Variants in CDH4 observed in about 807,000 individuals in gnomAD.
The protein encoded by CDH4 is cadherin 4.
Under a neutral mutation model 86.0 loss-of-function variants are expected in CDH4, and 33 were observed. That is an observed-to-expected ratio of 0.38 (90% CI 0.29 to 0.51). CDH4 has a LOEUF of 0.51. Ranked by LOEUF, CDH4 falls within the 20% of genes least tolerant of loss-of-function variation. The pLI is 0.86. For missense variants in CDH4, 1,114 were observed against 1,307.4 expected (o/e 0.85, Z 2.28); for synonymous variants, 555 against 549.4 (o/e 1.01, Z -0.14).
intron 2 of CDH4, among the ~76,000 whole-genome samples, chr20:61,376,048 T>TTGG (rs199819901): frequency 0.18 from 22,980 of 124,410 alleles, 2,459 homozygotes; most frequent in African/African-American, 0.24. Flanking sequence ...TGTGATGGTC[T>TTGG]TGGTGGTGAT....
intron 4 of CDH4, among the ~76,000 whole-genome samples, chr20:61,825,960 C>T (rs185022745): frequency 5.9e-5 from 9 of 152,286 alleles, no homozygotes; most frequent in African/African-American, 1.4e-4. Flanking sequence ...CTGTACCTTC[C>T]GAACAGATCT....
intron 2 of CDH4, among the ~76,000 whole-genome samples, chr20:61,546,039 G>A (rs2086080065): frequency 7.1e-6 from 1 of 141,546 alleles, no homozygotes; most frequent in Non-Finnish European, 1.5e-5. Flanking sequence ...GTGTTCGTGT[G>A]TGTGTGGAGG....
At chr20:61,743,315 A>G (rs2088366647) in intron 2 of CDH4, among the ~76,000 whole-genome samples, 1 of 152,234 alleles carries the variant, frequency 6.6e-6, no homozygotes, top group African/African-American at 2.4e-5. Context: ...AAGGGAGTGC[A>G]GCTGTGTTGT....
intron 2 of CDH4, among the ~76,000 whole-genome samples, chr20:61,691,563 G>T (rs2087655446): frequency 6.6e-6 from 1 of 152,192 alleles, no homozygotes; most frequent in Admixed American, 6.5e-5. Flanking sequence ...AAATGCGTCA[G>T]CAGCTGATTT....
At chr20:61,410,813 C>T (rs2085114879) in intron 2 of CDH4, among the ~76,000 whole-genome samples, 1 of 152,218 alleles carries the variant, frequency 6.6e-6, no homozygotes, top group Non-Finnish European at 1.5e-5. Flanking sequence ...TTCCATCCAT[C>T]TTCCATTCCT....
At chr20:61,688,915 C>T (rs1181759679) in intron 2 of CDH4, among the ~76,000 whole-genome samples, 1 of 152,268 alleles carries the variant, frequency 6.6e-6, no homozygotes, top group East Asian at 1.9e-4. Flanking sequence ...GGTCCTCCTT[C>T]AAGATCTTCT....
At chr20:61,477,147 G>A (rs2085541925) in intron 2 of CDH4, among the ~76,000 whole-genome samples, 2 of 152,192 alleles carry the variant, frequency 1.3e-5, no homozygotes, top group South Asian at 2.1e-4. Flanking sequence ...GCCTCCCCAC[G>A]CCTCTGCCTG....
At chr20:61,460,781 G>T (rs374617359) in intron 2 of CDH4, among the ~76,000 whole-genome samples, 89 of 152,344 alleles carry the variant, frequency 5.8e-4, no homozygotes, top group African/African-American at 1.9e-3. Context: ...CAGGGTGGCA[G>T]CAGGCCTCTC....
chr20:61,395,549 G>A (rs1178982139), intron 2 of CDH4, among the ~76,000 whole-genome samples: 1 of 152,136 alleles, frequency 6.6e-6, no homozygotes, highest in Non-Finnish European at 1.5e-5. Flanking sequence ...GGAGGGTAAG[G>A]CAGGAGGATC....
chr20:61,786,468 G>A (rs1028988442), intron 4 of CDH4, among the ~76,000 whole-genome samples: 5 of 152,142 alleles, frequency 3.3e-5, no homozygotes, highest in Admixed American at 3.3e-4. Context: ...ACTGCCCTGG[G>A]TTGTGTGGTT....
intron 4 of CDH4, 56 bp downstream of exon 4, chr20:61,773,238 T>G: frequency 6.9e-7 from 1 of 1,439,076 alleles, no homozygotes; most frequent in Non-Finnish European, 9.2e-7. Context: ...AGTAGGCTCT[T>G]CTCCCGACAT....
At chr20:61,927,340 G>GCT (rs3079266) in intron 11 of CDH4, among the ~76,000 whole-genome samples, 83,929 of 151,784 alleles carry the variant, frequency 0.55, 24,297 homozygotes, top group East Asian at 0.85. Flanking sequence ...CAAGGACTGA[G>GCT]CATGTGAAGA....
At chr20:61,535,796 G>T (rs1304870479) in intron 2 of CDH4, among the ~76,000 whole-genome samples, 2 of 152,102 alleles carry the variant, frequency 1.3e-5, no homozygotes. Flanking sequence ...GAGCCGCCAT[G>T]GGGAGAGTGT....
At chr20:61,483,838 G>A (rs1375481519) in intron 2 of CDH4, among the ~76,000 whole-genome samples, 1 of 152,176 alleles carries the variant, frequency 6.6e-6, no homozygotes, top group Admixed American at 6.5e-5. Flanking sequence ...CTGACCCACA[G>A]ATTTATGAAT....
chr20:61,695,895 C>G (rs1354633683), intron 2 of CDH4, among the ~76,000 whole-genome samples: 1 of 152,200 alleles, frequency 6.6e-6, no homozygotes, highest in Non-Finnish European at 1.5e-5. Context: ...AAGGATGCAG[C>G]TCCTCCTGTG....
intron 2 of CDH4, among the ~76,000 whole-genome samples, chr20:61,498,809 T>C (rs776286844): frequency 2.0e-5 from 3 of 152,100 alleles, no homozygotes; most frequent in Non-Finnish European, 4.4e-5. Flanking sequence ...TACAAATTTG[T>C]GTTGGGTCAC....
At chr20:61,298,816 T>C (rs1184215211) in intron 2 of CDH4, among the ~76,000 whole-genome samples, 1 of 151,214 alleles carries the variant, frequency 6.6e-6, no homozygotes, top group South Asian at 2.1e-4. Flanking sequence ...TGAGAGTCTT[T>C]TTTTTTTTCA....
intron 2 of CDH4, among the ~76,000 whole-genome samples, chr20:61,739,413 C>T (rs1452981895): frequency 6.6e-6 from 1 of 152,234 alleles, no homozygotes; most frequent in African/African-American, 2.4e-5. Flanking sequence ...AGCACACTCA[C>T]CAGTCCTGGG....
At chr20:61,616,474 G>C (rs2086726097) in intron 2 of CDH4, among the ~76,000 whole-genome samples, 1 of 152,164 alleles carries the variant, frequency 6.6e-6, no homozygotes. Flanking sequence ...GTGGGAGTTG[G>C]GGAAGGCCCT....
Sources: gnomAD v4.1 joint callset for allele counts (sites outside exome capture counted in the v4.1 genomes callset) on GRCh38, gnomAD v4.1.1 for gene constraint, MANE v1.5 for transcripts, NCBI Gene and HGNC (gene_info 2026-07-23, HGNC 2026-07-21) for gene names.